RANBP2: variants seen among roughly 807,000 people sequenced by gnomAD.
RANBP2 encodes the protein E3 SUMO-protein ligase RanBP2.
Under a neutral mutation model 303.6 loss-of-function variants are expected in RANBP2, and 57 were observed. The ratio of observed to expected loss-of-function variants is 0.19; its 90% CI spans 0.15 to 0.23. RANBP2 has a LOEUF of 0.23. Ranked by LOEUF, RANBP2 falls within the 10% of genes least tolerant of loss-of-function variation. The probability of loss-of-function intolerance (pLI) is 1.00; values close to 1 mark genes in which losing one functional copy is unlikely to be tolerated. For synonymous variants in RANBP2, 1,167 were observed against 1,301.5 expected (o/e 0.90, Z 2.23); for missense variants, 3,138 against 3,780.8 (o/e 0.83, Z 4.46).
At chr2:109,437,550 C>T in the RANBP2 span, among the ~76,000 whole-genome samples, 7 of 152,164 alleles carry the variant, frequency 4.6e-5, no homozygotes, top group Non-Finnish European at 5.9e-5. Context: ...GATTGTGGGC[C>T]GGCCACGTGG....
the RANBP2 span, among the ~76,000 whole-genome samples, chr2:109,012,328 G>C: frequency 6.6e-6 from 1 of 152,162 alleles, no homozygotes; most frequent in African/African-American, 2.4e-5. Context: ...TCCACACTTG[G>C]GGTGCCAACA....
the RANBP2 span, chr2:108,846,788 A>C: frequency 6.2e-7 from 1 of 1,612,842 alleles, no homozygotes; most frequent in Non-Finnish European, 8.5e-7. Context: ...ACATTTTTAA[A>C]GGAGTGGTAA....
chr2:109,205,943 T>C, the RANBP2 span, among the ~76,000 whole-genome samples: 1 of 152,254 alleles, frequency 6.6e-6, no homozygotes, highest in Non-Finnish European at 1.5e-5. Flanking sequence ...TGTGTGTTTT[T>C]CTGAGCTCTT....
At chr2:109,571,411 T>A in the RANBP2 span, among the ~76,000 whole-genome samples, 2 of 152,214 alleles carry the variant, frequency 1.3e-5, no homozygotes, top group Non-Finnish European at 2.9e-5. Context: ...CTAGGCTGTA[T>A]GGTATGGCTC....
the RANBP2 span, among the ~76,000 whole-genome samples, chr2:109,244,324 G>A: frequency 6.6e-6 from 1 of 152,200 alleles, no homozygotes; most frequent in Admixed American, 6.5e-5. Context: ...GCATCTAGGA[G>A]CAGGTGAGAA....
the RANBP2 span, among the ~76,000 whole-genome samples, chr2:109,678,048 G>T: frequency 1.2e-4 from 19 of 152,328 alleles, no homozygotes; most frequent in African/African-American, 4.3e-4. Context: ...GCACCCCACC[G>T]CCTGTTGCTA....
At chr2:109,261,841 A>G in the RANBP2 span, among the ~76,000 whole-genome samples, 2 of 152,238 alleles carry the variant, frequency 1.3e-5, no homozygotes, top group African/African-American at 4.8e-5. Context: ...ATAGTAGGGA[A>G]ACTGAGGCTT....
chr2:109,105,021 C>T, the RANBP2 span, among the ~76,000 whole-genome samples: 1 of 152,280 alleles, frequency 6.6e-6, no homozygotes, highest in African/African-American at 2.4e-5. Flanking sequence ...AGGGTCCCCC[C>T]AACCCTGCCA....
At chr2:109,689,272 C>G in the RANBP2 span, among the ~76,000 whole-genome samples, 1 of 152,126 alleles carries the variant, frequency 6.6e-6, no homozygotes, top group Non-Finnish European at 1.5e-5. Flanking sequence ...AGGAACAGCC[C>G]TGGGAGCTGC....
the RANBP2 span, among the ~76,000 whole-genome samples, chr2:109,281,848 G>A: frequency 6.6e-6 from 1 of 152,190 alleles, no homozygotes; most frequent in Non-Finnish European, 1.5e-5. Context: ...GGAGCACACA[G>A]ACCCCCAGCG....
the RANBP2 span, among the ~76,000 whole-genome samples, chr2:109,664,814 C>A: frequency 6.6e-6 from 1 of 151,860 alleles, no homozygotes; most frequent in Non-Finnish European, 1.5e-5. Flanking sequence ...ACTGTAATCT[C>A]AGCTACTTGG....
the RANBP2 span, chr2:109,614,555 G>A: frequency 2.3e-6 from 3 of 1,326,706 alleles, no homozygotes; most frequent in Admixed American, 4.0e-5. Flanking sequence ...TGCGCTTCCT[G>A]GCGGAGCGCG....
chr2:109,106,233 T>A, the RANBP2 span, among the ~76,000 whole-genome samples: 1 of 152,192 alleles, frequency 6.6e-6, no homozygotes, highest in East Asian at 1.9e-4. Context: ...CTCTGCCTTA[T>A]GCCCCTTAGA....
chr2:109,661,047 T>C, the RANBP2 span, among the ~76,000 whole-genome samples: 3 of 152,152 alleles, frequency 2.0e-5, no homozygotes, highest in Non-Finnish European at 4.4e-5. Context: ...AAATAGATAA[T>C]GGCCTGAACA....
chr2:109,317,363 A>C, the RANBP2 span, among the ~76,000 whole-genome samples: 2 of 152,064 alleles, frequency 1.3e-5, no homozygotes, highest in African/African-American at 4.8e-5. Context: ...CCCCAGCCCC[A>C]GGGGGTGGAG....
the RANBP2 span, among the ~76,000 whole-genome samples, chr2:109,639,786 C>G: frequency 6.6e-6 from 1 of 151,048 alleles, no homozygotes; most frequent in Admixed American, 6.6e-5. Flanking sequence ...TCTTGGCTCA[C>G]GGCAACCTCC....
At chr2:109,506,581 C>A in the RANBP2 span, among the ~76,000 whole-genome samples, 2 of 152,218 alleles carry the variant, frequency 1.3e-5, no homozygotes, top group Non-Finnish European at 2.9e-5. Context: ...AGCCTTTTAT[C>A]TGCATAGAGT....
chr2:109,167,812 C>T, the RANBP2 span, among the ~76,000 whole-genome samples: 1 of 152,156 alleles, frequency 6.6e-6, no homozygotes, highest in Admixed American at 6.5e-5. Context: ...ACCTTGTGAT[C>T]CACCCACCTC....
chr2:109,334,312 C>G, the RANBP2 span, among the ~76,000 whole-genome samples: 77 of 143,810 alleles, frequency 5.4e-4, no homozygotes, highest in African/African-American at 1.6e-3. Flanking sequence ...GAGCCATGAT[C>G]ACACCACTCG....
Sources: allele counts gnomAD v4.1 joint callset (sites outside exome capture counted in the v4.1 genomes callset), GRCh38; gene constraint gnomAD v4.1.1; transcripts MANE v1.5; gene names NCBI Gene and HGNC (gene_info 2026-07-23, HGNC 2026-07-21).